Variants in MCCC1 observed in about 807,000 individuals in gnomAD.
MCCC1 encodes the protein methylcrotonyl-CoA carboxylase subunit 1, also known as methylcrotonoyl-CoA carboxylase subunit alpha, mitochondrial.
In MCCC1, 64 loss-of-function variants were observed where a neutral mutation model predicts 83.8. That is an observed-to-expected ratio of 0.76 (90% CI 0.62 to 0.94). The LOEUF is 0.94. Ranked by LOEUF, MCCC1 falls within the 40% of genes least tolerant of loss-of-function variation. MCCC1 has a pLI of 0.00. For missense variants in MCCC1, 807 were observed against 904.7 expected, an observed-to-expected ratio of 0.89 and a Z score of 1.39; for synonymous variants, 322 against 315.4, an observed-to-expected ratio of 1.02 and a Z score of -0.22.
chr3:183,021,639 A>T (rs147598342), intron 16 of MCCC1, among the ~76,000 whole-genome samples: 2 of 152,352 alleles, frequency 1.3e-5, no homozygotes, highest in Non-Finnish European at 2.9e-5. Context: ...GAACCAAAGC[A>T]GCTTCACATT....
intron 7 of MCCC1, among the ~76,000 whole-genome samples, chr3:183,062,524 T>A (rs911256812): frequency 6.6e-6 from 1 of 152,030 alleles, no homozygotes; most frequent in African/African-American, 2.4e-5. Context: ...CTGGCTAATT[T>A]TTTGTATTTC....
chr3:183,088,584 T>G (rs933643501), intron 3 of MCCC1, among the ~76,000 whole-genome samples: 4 of 152,238 alleles, frequency 2.6e-5, no homozygotes, highest in African/African-American at 9.6e-5. Flanking sequence ...AAACGCAAAG[T>G]AGCCCTTTGG....
chr3:183,087,649 A>G (rs1369876419), intron 3 of MCCC1, among the ~76,000 whole-genome samples: 1 of 152,084 alleles, frequency 6.6e-6, no homozygotes, highest in Non-Finnish European at 1.5e-5. Flanking sequence ...CGGGCGGATC[A>G]TGAGGTCAGG....
chr3:183,078,786 C>T (rs1437457227), intron 4 of MCCC1, among the ~76,000 whole-genome samples: 2 of 152,198 alleles, frequency 1.3e-5, no homozygotes, highest in African/African-American at 4.8e-5. Flanking sequence ...CTGATAAAGA[C>T]ATATCCCAGA....
intron 7 of MCCC1, among the ~76,000 whole-genome samples, chr3:183,062,580 C>T (rs898505667): frequency 2.6e-5 from 4 of 152,104 alleles, no homozygotes; most frequent in African/African-American, 7.2e-5. Context: ...GTCTCGAACT[C>T]CTGAGCTCAG....
chr3:183,028,769 T>C (rs946755746), intron 14 of MCCC1, among the ~76,000 whole-genome samples: 1 of 152,212 alleles, frequency 6.6e-6, no homozygotes, highest in African/African-American at 2.4e-5. Context: ...CAGAGAAATC[T>C]TTCATGAAAG....
Position 183,064,370 on chromosome 3 carries a change from A to G in MCCC1, c.761+6629T>C, listed in dbSNP as rs1471005166. Among the ~76,000 whole-genome samples the G allele has an allele frequency of 6.6e-6, 1 of 152,128 alleles. No individual in the cohort carries two copies. The highest frequency in any genetic ancestry group is 1.5e-5 in the Non-Finnish European group (1 of 68,028). On this transcript the variant is annotated intron_variant, in intron 7 of 18. Transcript: ENST00000265594. This position sits in a 1 kb window ranked among gnomAD's most constrained non-coding sequence, Gnocchi z 4.5. The stretch of plus-strand genomic sequence containing the variant: ...CATTGTTTTTAGTTGGTAGACATCG[A>G]CAAGTAGGAAAATTTGCGAGGTCCG...
At chr3:183,025,690 C>T (rs1347634147) in intron 15 of MCCC1, 65 bp downstream of exon 15, 1 of 1,344,642 alleles carries the variant, frequency 7.4e-7, no homozygotes, top group African/African-American at 1.4e-5. Context: ...GAGTGAAAGA[C>T]CCTATTCAGT....
Position 183,089,231 on chromosome 3 carries a change from A to C in MCCC1, c.274-2443T>G, listed in dbSNP as rs186850815. Among the ~76,000 whole-genome samples, 7 of 152,332 alleles carry C rather than the reference A, an allele frequency of 4.6e-5. No individual in the cohort carries two copies. In the East Asian group the frequency reaches 1.2e-3, roughly 25 times the overall value. ...AGCATTTAAGAAGAGGAGTAACTTA[A>C]GTACATTTTTATTTTATACTCTCAG... On this transcript the variant is annotated intron_variant, in intron 3 of 18. Transcript: ENST00000265594.
upstream of MCCC1, among the ~76,000 whole-genome samples, chr3:183,101,329 G>T (rs1719280128): frequency 6.6e-6 from 1 of 152,268 alleles, no homozygotes; most frequent in Non-Finnish European, 1.5e-5. Flanking sequence ...TGCAGCCCCG[G>T]TGCGGGATCC....
chr3:183,077,104 T>C (rs1160725054), intron 4 of MCCC1, among the ~76,000 whole-genome samples: 1 of 152,226 alleles, frequency 6.6e-6, no homozygotes, highest in Non-Finnish European at 1.5e-5. Context: ...TACTCCATTG[T>C]ATGGCTATAC....
chr3:183,079,114 A>C (rs1296056571), intron 4 of MCCC1, among the ~76,000 whole-genome samples: 1 of 152,098 alleles, frequency 6.6e-6, no homozygotes, highest in Non-Finnish European at 1.5e-5. Context: ...CACAGAACCA[A>C]ACCATATCAT....
chr3:183,035,355 A>T (rs957196364), intron 13 of MCCC1, among the ~76,000 whole-genome samples: 1 of 152,168 alleles, frequency 6.6e-6, no homozygotes, highest in Admixed American at 6.5e-5. Context: ...GACTTAAAAC[A>T]TTTTACATTT....
At chr3:183,057,257 A>G (rs1298185064) in intron 8 of MCCC1, 54 bp downstream of exon 8, 3 of 1,341,696 alleles carry the variant, frequency 2.2e-6, no homozygotes, top group Non-Finnish European at 3.1e-6. Context: ...TGTGAAAATC[A>G]GAGTAAGATT....
chr3:183,053,498 A>C (rs931807419), intron 8 of MCCC1, among the ~76,000 whole-genome samples: 2 of 151,916 alleles, frequency 1.3e-5, no homozygotes, highest in Non-Finnish European at 2.9e-5. Flanking sequence ...AAAAAATTTT[A>C]ATTTAATTTA....
chr3:183,055,118 A>T (rs1382918372), intron 8 of MCCC1, among the ~76,000 whole-genome samples: 2 of 152,072 alleles, frequency 1.3e-5, no homozygotes, highest in Non-Finnish European at 2.9e-5. Context: ...AAGGATAAAA[A>T]GCTGGCCGGG....
chr3:183,101,134 C>T (rs1289141998), upstream of MCCC1, among the ~76,000 whole-genome samples: 9 of 152,264 alleles, frequency 5.9e-5, no homozygotes, highest in Non-Finnish European at 1.0e-4. Flanking sequence ...TGCCTTCCCA[C>T]GGGGCAGGGC....
At chr3:183,036,187 G>A (rs1713570680) in intron 13 of MCCC1, among the ~76,000 whole-genome samples, 1 of 152,126 alleles carries the variant, frequency 6.6e-6, no homozygotes, top group South Asian at 2.1e-4. Context: ...TTGGGCAACA[G>A]CTTAGTGGGT....
rs1014840350 is a variant in MCCC1, at chr3:183,053,192, C to T, written c.874-952G>A. 6.6e-5 allele frequency among the ~76,000 whole-genome samples: 10 copies of T among 152,168 alleles called. 1 individual carries two copies. In the South Asian group the frequency reaches 1.5e-3, roughly 22 times the overall value. ...AAAAGGTTAAAAAGTTAAAACAGGC[C>T]GGGTGTGGTGGCTCACCCCTGTAAT... On this transcript the variant is annotated intron_variant, in intron 8 of 18. Coordinates refer to ENST00000265594, the MANE Select transcript of MCCC1 (RefSeq NM_020166.5).
Sources: allele counts gnomAD v4.1 joint callset (sites outside exome capture counted in the v4.1 genomes callset), GRCh38; gene constraint gnomAD v4.1.1; non-coding constraint Gnocchi (gnomAD v3.1); transcripts MANE v1.5; gene names NCBI Gene and HGNC (gene_info 2026-07-23, HGNC 2026-07-21).